The following HDAC7 variants were observed in gnomAD, a reference collection of about 807,000 sequenced individuals.
HDAC7 encodes histone deacetylase 7.
Under a neutral mutation model 115.5 loss-of-function variants are expected in HDAC7, and 26 were observed. The observed-to-expected ratio is 0.23, with a 90% CI of 0.16 to 0.31. HDAC7 has a LOEUF of 0.31. HDAC7 is among the 10% of genes least tolerant of loss of function. The pLI, the probability that HDAC7 is intolerant of heterozygous loss-of-function variation, is 1.00. For missense variants in HDAC7, 1,068 were observed against 1,329.0 expected (o/e 0.80, Z 3.05); for synonymous variants, 564 against 550.9 (o/e 1.02, Z -0.33).
At chr12:47,790,105 T>C in intron 16 of HDAC7, 185 bp from the exon 17 acceptor site, 1 of 594,796 alleles carries the variant, frequency 1.7e-6, no homozygotes, top group Non-Finnish European at 3.0e-6. Context: ...CAGCATGACT[T>C]TTTCCCAGCT....
intron 18 of HDAC7, 41 bp downstream of exon 18, chr12:47,789,482 G>GC (rs1259422904): frequency 1.4e-5 from 23 of 1,601,750 alleles, no homozygotes; most frequent in Non-Finnish European, 2.0e-5. Flanking sequence ...CTGGGGGCTT[G>GC]CCCCCCACCT....
chr12:47,798,182 C>T lies in HDAC7; in HGVS notation c.387G>A (p.Ala129=), dbSNP rs750700037. The T allele has an allele frequency of 1.5e-5, 25 of 1,613,704 alleles. No individual in the cohort carries two copies. Among genetic ancestry groups the T allele is most frequent in the East Asian group, 1.1e-4 (5 of 44,880 alleles). Residue 129 remains alanine (A), a synonymous_variant, in exon 5 of 26, where the codon GCG becomes GCA. Coordinates refer to ENST00000080059, the MANE Select transcript of HDAC7 (RefSeq NM_015401.5). This position sits in a 1 kb window ranked among gnomAD's most constrained non-coding sequence, Gnocchi z 4.3. ...CCTGCTGTTTTTTCAGAATCACCTC[C>T]GCTAGCTTCTGCTTGACCACGCTGC... ...VASSVVKQKL[A]EVILKKQQAA...
At position 47,785,871 on chromosome 12, in the gene HDAC7, T is replaced by C; in HGVS notation, c.2587A>G (p.Thr863Ala). The C allele has an allele frequency of 6.2e-7, 1 of 1,606,592 alleles. No homozygotes were observed. The highest frequency in any genetic ancestry group is 1.1e-5 in the South Asian group (1 of 90,192). The change falls in exon 23 of 26, where the codon ACG becomes GCG. Residue 863 changes from threonine (T) to alanine (A), a missense_variant. Around this residue, in one of 6 missense-constraint regions of HDAC7, gnomAD observed 182 missense variants for 301.1 expected, o/e 0.60. Transcript: ENST00000080059. ...HVSAKCFGYMTQQLMNLAGGA... is the reference protein window; with the variant it reads ...HVSAKCFGYMAQQLMNLAGGA... Reference sequence around the variant, plus strand: ...CCTGCCAGGTTCATCAGTTGCTGCGTCATGTATCCAAAACCTAGAGGTTGG... The same window carrying C: ...CCTGCCAGGTTCATCAGTTGCTGCGCCATGTATCCAAAACCTAGAGGTTGG...
intron 1 of HDAC7, among the ~76,000 whole-genome samples, chr12:47,808,267 G>A (rs1437300036): frequency 6.6e-6 from 1 of 152,192 alleles, no homozygotes; most frequent in Non-Finnish European, 1.5e-5. Flanking sequence ...CCCACATGCG[G>A]CTGTTGTAAA....
chr12:47,820,583 A>G (rs1239923817), upstream of HDAC7: 1 of 152,176 alleles, frequency 6.6e-6, no homozygotes, highest in Non-Finnish European at 1.5e-5. The surrounding 1 kb of genome is among the most constrained non-coding windows in gnomAD (Gnocchi z 4.3). Flanking sequence ...GGAAGGGTCC[A>G]GCCTGTTCCT....
chr12:47,806,415 G>A (rs1056591835), intron 1 of HDAC7, among the ~76,000 whole-genome samples: 3 of 152,204 alleles, frequency 2.0e-5, no homozygotes, highest in African/African-American at 7.2e-5. Context: ...GGTGGCTCAC[G>A]CCTATAATCC....
intron 1 of HDAC7, chr12:47,813,629 G>A (rs968245614): frequency 6.5e-6 from 1 of 152,686 alleles, no homozygotes; most frequent in African/African-American, 2.4e-5. Context: ...AAAGGAAGTG[G>A]TGCGGAGACA....
rs1054837999 is a variant in HDAC7 at position 47,803,477 on chromosome 12, T to C, written c.20-1203A>G. On this transcript the variant is annotated intron_variant, in intron 1 of 25. Coordinates refer to ENST00000080059, the MANE Select transcript of HDAC7 (RefSeq NM_015401.5). This position sits in a 1 kb window ranked among gnomAD's most constrained non-coding sequence, Gnocchi z 4.0. ...ACCGACTGCCCCTCAAACCAGCCCATGCTTTGGGTAACAAAGTTCGGTCCG... is the reference window on the plus strand; with the variant it reads ...ACCGACTGCCCCTCAAACCAGCCCACGCTTTGGGTAACAAAGTTCGGTCCG... 6.6e-6 allele frequency among the ~76,000 whole-genome samples: 1 copy of C among 152,132 alleles called. No homozygotes were observed. Among genetic ancestry groups the C allele is most frequent in the Non-Finnish European group, 1.5e-5 (1 of 68,008 alleles).
In HDAC7 at chr12:47,793,227, T is replaced by C; in HGVS notation, c.1678+142A>G. 4.9e-6 allele frequency: 3 copies of C among 615,978 alleles called. No individual in the cohort carries two copies. The highest frequency in any genetic ancestry group is 5.8e-5 in the East Asian group (2 of 34,498). The allele number at this position is 615,978 out of a possible 1,614,324, so 38.2% of individuals were successfully genotyped here. A position where few individuals can be genotyped will look rare whatever the true frequency, so the allele number is the denominator to read the frequency against. The stretch of plus-strand genomic sequence containing the variant: ...CCAAATGCAATAACCAGCTGTTCCA[T>C]GTGCTCCATGGGTACTACGTGGGCC... On this transcript the variant is annotated intron_variant, in intron 13 of 25. Transcript: ENST00000080059. This position sits in a 1 kb window ranked among gnomAD's most constrained non-coding sequence, Gnocchi z 4.5.
At chr12:47,785,018 G>A in intron 24 of HDAC7, 2 of 578,072 alleles carry the variant, frequency 3.5e-6, no homozygotes, top group South Asian at 4.2e-5. Context: ...CAAGCCAGCA[G>A]AGCTCCTGAG....
Position 47,795,434 on chromosome 12 carries a change from G to C in HDAC7, c.1088-54C>G. ...AGGGAACCACAGGGAGCAATGGAAG[G>C]AAGCGAGGGTATAGGGTGGGGGGCC... is the stretch of plus-strand genomic sequence containing the variant. On this transcript the variant is annotated intron_variant, in intron 10 of 25. Transcript: ENST00000080059. This position sits in a 1 kb window ranked among gnomAD's most constrained non-coding sequence, Gnocchi z 4.3. The C allele has an allele frequency of 6.8e-7, 1 of 1,476,604 alleles. No homozygotes were observed. The highest frequency in any genetic ancestry group is 1.2e-5 in the South Asian group (1 of 83,388). The allele number at this position is 1,476,604 out of a possible 1,614,324, so 91.5% of individuals were successfully genotyped here.
rs1943253499 is a variant in HDAC7, at chr12:47,787,828, G to C, written c.2356-19C>G. The C allele has an allele frequency of 6.2e-7, 1 of 1,603,400 alleles. No individual in the cohort carries two copies. Among genetic ancestry groups the C allele is most frequent in the Admixed American group, 1.7e-5 (1 of 59,198 alleles). ...CCCCTACCTGGAAAACAGGAGGCAA[G>C]AGAGACATGAGGACAGCAGAGTCCC... On this transcript the variant is annotated intron_variant, in intron 20 of 25. Coordinates refer to ENST00000080059, the MANE Select transcript of HDAC7 (RefSeq NM_015401.5).
chr12:47,814,384 G>A (rs1944790773), intron 1 of HDAC7, among the ~76,000 whole-genome samples: 1 of 152,248 alleles, frequency 6.6e-6, no homozygotes, highest in Non-Finnish European at 1.5e-5. Flanking sequence ...CACAGAGGCA[G>A]CAGGCTAGAC....
intron 24 of HDAC7, 92 bp from the exon 25 acceptor site, chr12:47,784,309 C>T (rs570966106): frequency 5.2e-5 from 73 of 1,399,160 alleles, no homozygotes; most frequent in Non-Finnish European, 7.0e-5. Flanking sequence ...TGTCTCAGGC[C>T]CAGGGCCCCG....
At position 47,795,072 on chromosome 12, in the gene HDAC7, C is replaced by A; in HGVS notation, c.1284+112G>T. On this transcript the variant is annotated intron_variant, in intron 11 of 25. Coordinates refer to ENST00000080059, the MANE Select transcript of HDAC7 (RefSeq NM_015401.5). This position sits in a 1 kb window ranked among gnomAD's most constrained non-coding sequence, Gnocchi z 4.3. The stretch of plus-strand genomic sequence containing the variant: ...AGCTCTGGGCCCCAAGAAGCCACAT[C>A]CCCCTCTTTTGCCCTCCAGTTCCCT... 7.6e-7 allele frequency: 1 copy of A among 1,316,678 alleles called. No homozygotes were observed. Among genetic ancestry groups the A allele is most frequent in the South Asian group, 1.4e-5 (1 of 73,184 alleles). The allele number at this position is 1,316,678 out of a possible 1,614,324, so 81.6% of individuals were successfully genotyped here.
chr12:47,784,692 G>A (rs1183027101), intron 24 of HDAC7: 67 of 1,533,408 alleles, frequency 4.4e-5, no homozygotes, highest in Non-Finnish European at 5.8e-5. Flanking sequence ...TGGGAGAACT[G>A]ACCATCACCA....
Position 47,797,661 on chromosome 12 carries a change from C to T in HDAC7, c.462-162G>A, listed in dbSNP as rs1024570773. ...CCATCTCCAGGTGGCAGCAGTGGGC[C>T]GCCTGTCCGCTCCAGCAGCTATAGT... On this transcript the variant is annotated intron_variant, in intron 5 of 25. Coordinates refer to ENST00000080059, the MANE Select transcript of HDAC7 (RefSeq NM_015401.5). The surrounding 1 kb of genome is among the most constrained non-coding windows in gnomAD (Gnocchi z 5.5). Among the ~76,000 whole-genome samples the T allele has an allele frequency of 2.6e-5, 4 of 152,110 alleles. No homozygotes were observed. Among genetic ancestry groups the T allele is most frequent in the South Asian group, 2.1e-4 (1 of 4,830 alleles).
chr12:47,797,180 C>T lies in HDAC7; in HGVS notation c.578-38G>A, dbSNP rs1565812015. The T allele has an allele frequency of 6.4e-7, 1 of 1,561,846 alleles. No homozygotes were observed. The highest frequency in any genetic ancestry group is 1.4e-5 in the African/African-American group (1 of 73,294). ...CCAGCGTCACTCAGGCCCCCACCAC[C>T]CTTCTTTTTTCCACCCTTTAACCCC... is the stretch of plus-strand genomic sequence containing the variant. On this transcript the variant is annotated intron_variant, in intron 6 of 25. Transcript: ENST00000080059. This position sits in a 1 kb window ranked among gnomAD's most constrained non-coding sequence, Gnocchi z 5.5.
chr12:47,789,871 C>A lies in HDAC7; in HGVS notation c.2033G>T (p.Arg678Leu), dbSNP rs781286336. 3.1e-6 allele frequency: 5 copies of A among 1,613,686 alleles called. No individual in the cohort carries two copies. The highest frequency in any genetic ancestry group is 4.2e-6 in the Non-Finnish European group (5 of 1,179,992). Reference sequence around the variant, plus strand: ...GTCAGTGACACTGCCAGCGGCCCAGCGGGCTGCATTGGAGGAATGAAGCTC... The same window carrying A: ...GTCAGTGACACTGCCAGCGGCCCAGAGGGCTGCATTGGAGGAATGAAGCTC... ...WNELHSSNAA[R>L]WAAGSVTDLA... The change falls in exon 17 of 26, where the codon CGC becomes CTC. Residue 678 changes from arginine to leucine, a missense_variant. Physicochemically the swap from Arg to Leu is moderately radical, Grantham distance 102. Transcript: ENST00000080059.
Sources: gnomAD v4.1 joint callset for allele counts (sites outside exome capture counted in the v4.1 genomes callset) on GRCh38, gnomAD v4.1.1 for gene constraint, gnomAD v4.1.1 regional missense constraint, Gnocchi (gnomAD v3.1) non-coding constraint, MANE v1.5 for transcripts, NCBI Gene and HGNC (gene_info 2026-07-23, HGNC 2026-07-21) for gene names.